SIDT1: variants seen among roughly 807,000 people sequenced by gnomAD.
SIDT1 encodes the protein SID1 transmembrane family member 1, also known as SID1 transmembrane family, member 1.
A neutral mutation model predicts 107.5 loss-of-function variants in SIDT1; 101 were observed. The observed-to-expected ratio is 0.94, with a 90% CI of 0.80 to 1.11. The LOEUF is 1.11. Ranked by LOEUF, SIDT1 falls within the 50% of genes least tolerant of loss-of-function variation. SIDT1 has a pLI of 0.00. For synonymous variants in SIDT1, 395 were observed against 398.2 expected (o/e 0.99, Z 0.10); for missense variants, 1,076 against 1,058.2 (o/e 1.02, Z -0.23).
At chr3:113,560,553 G>A (rs1044013286) in intron 1 of SIDT1, among the ~76,000 whole-genome samples, 1 of 152,038 alleles carries the variant, frequency 6.6e-6, no homozygotes, top group African/African-American at 2.4e-5. Flanking sequence ...TACACCCAGC[G>A]AACACAACCA....
rs1380838024 is a variant in SIDT1, at chr3:113,603,057, A to C, written c.1170A>C (p.Pro390=). ...GRQMSSSDGG[P]PGQSDTDSSV... ...AGATGTCCTCCTCCGATGGTGGGCC[A>C]CCGGGCCAGTCAGACACAGACAGCT... The change falls in exon 12 of 25, where the codon CCA becomes CCC. Residue 390 remains proline (P), a synonymous_variant. Transcript: ENST00000264852. 1 of 1,614,156 alleles carries C rather than the reference A, an allele frequency of 6.2e-7. No homozygotes were observed. The highest frequency in any genetic ancestry group is 1.7e-5 in the Admixed American group (1 of 60,012).
chr3:113,573,194 A>G (rs1361405770), intron 3 of SIDT1, among the ~76,000 whole-genome samples: 1 of 152,166 alleles, frequency 6.6e-6, no homozygotes, highest in Non-Finnish European at 1.5e-5. Context: ...AAAGGGACAT[A>G]GTAGGTCAGG....
Position 113,601,408 on chromosome 3 carries a change from C to T in SIDT1, c.1046-180C>T, listed in dbSNP as rs1944949024. Reference sequence around the variant, plus strand: ...AACTAATCTTAGTTGAAGAGCCATACAGAAACAGGTGGCAGGCTAGATTTG... The same window carrying T: ...AACTAATCTTAGTTGAAGAGCCATATAGAAACAGGTGGCAGGCTAGATTTG... On this transcript the variant is annotated intron_variant, in intron 10 of 24. Transcript: ENST00000264852. 6 of 499,820 alleles carry T rather than the reference C, an allele frequency of 1.2e-5. No individual in the cohort carries two copies. In the East Asian group the frequency reaches 2.0e-4, roughly 16 times the overall value. 31.0% of individuals were successfully genotyped at this position (499,820 alleles called of 1,614,324 possible).
intron 3 of SIDT1, among the ~76,000 whole-genome samples, chr3:113,569,827 T>C (rs1942273414): frequency 6.6e-6 from 1 of 152,198 alleles, no homozygotes; most frequent in South Asian, 2.1e-4. Flanking sequence ...GTGTTTAAAG[T>C]TCCCCAGGTG....
chr3:113,598,943 C>G (rs1461347164), intron 10 of SIDT1, among the ~76,000 whole-genome samples: 1 of 152,068 alleles, frequency 6.6e-6, no homozygotes, highest in East Asian at 1.9e-4. Flanking sequence ...CCTCGTCAAC[C>G]TAGGGAGATT....
In SIDT1 at chr3:113,603,110, T is replaced by C; in HGVS notation, c.1223T>C (p.Met408Thr). The C allele has an allele frequency of 6.2e-7, 1 of 1,614,064 alleles. No homozygotes were observed. The highest frequency in any genetic ancestry group is 8.5e-7 in the Non-Finnish European group (1 of 1,179,966). ...SSVEESDFDT[M>T]PDIESDKNII... The stretch of plus-strand genomic sequence containing the variant: ...GTGGAGGAGAGCGACTTCGACACCA[T>C]GCCAGACATTGAGAGTGATAAAAAC... The change falls in exon 12 of 25, where the codon ATG (methionine) becomes ACG (threonine). Residue 408 changes from methionine to threonine, a missense_variant. Transcript: ENST00000264852.
chr3:113,611,188 C>T (rs766236508), intron 18 of SIDT1, 44 bp downstream of exon 18: 1 of 1,596,356 alleles, frequency 6.3e-7, no homozygotes, highest in South Asian at 1.1e-5. Flanking sequence ...AAAAGTGCCC[C>T]CCTAGGTCCA....
At chr3:113,623,264 C>T (rs186369731) in intron 21 of SIDT1, among the ~76,000 whole-genome samples, 163 bp from the exon 22 acceptor site, 35 of 140,214 alleles carry the variant, frequency 2.5e-4, no homozygotes, top group Admixed American at 2.3e-3. Flanking sequence ...TCTACTGTTC[C>T]ATCAGAGGTA....
intron 1 of SIDT1, among the ~76,000 whole-genome samples, chr3:113,563,518 C>A (rs1229522867): frequency 6.6e-6 from 1 of 152,136 alleles, no homozygotes; most frequent in East Asian, 1.9e-4. Context: ...AGTTTGCAGG[C>A]AATACAGGAG....
rs758105252 is a variant in SIDT1, at chr3:113,603,006, T to C, written c.1119T>C (p.Asp373=). ...TPEGSNYGTI[D]ESSSSPGRQM... ...GCAGATGAGTTGTCTCTGTTTCAGA[T>C]GAGTCAAGCTCCAGTCCTGGAAGGC... Residue 373 remains aspartate, a splice_region_variant and synonymous_variant, in exon 12 of 25, where the codon GAT becomes GAC. Transcript: ENST00000264852. 1.2e-6 allele frequency: 2 copies of C among 1,613,654 alleles called. No homozygotes were observed. Among genetic ancestry groups the C allele is most frequent in the East Asian group, 2.2e-5 (1 of 44,876 alleles).
At chr3:113,552,978 C>T (rs559710833) in intron 1 of SIDT1, among the ~76,000 whole-genome samples, 12 of 152,134 alleles carry the variant, frequency 7.9e-5, no homozygotes, top group Admixed American at 1.3e-4. Context: ...GAAGCTGGGG[C>T]GTTTGTTAGA....
intron 1 of SIDT1, among the ~76,000 whole-genome samples, chr3:113,552,631 G>A (rs1940390264): frequency 6.6e-6 from 1 of 152,108 alleles, no homozygotes; most frequent in African/African-American, 2.4e-5. Context: ...GTTTGCTTGG[G>A]GTTCTTCCCC....
At chr3:113,602,762 C>G (rs1945049729) in intron 11 of SIDT1, 2 of 360,510 alleles carry the variant, frequency 5.5e-6, no homozygotes, top group Non-Finnish European at 9.9e-6. Flanking sequence ...AGCAGATGCC[C>G]TTAGATTCTA....
rs768231280 is a variant in SIDT1, at chr3:113,623,656, C to T, written c.2230C>T (p.Leu744Phe). 1.1e-5 allele frequency: 18 copies of T among 1,614,024 alleles called. No individual in the cohort carries two copies. Among genetic ancestry groups the T allele is most frequent in the Non-Finnish European group, 1.3e-5 (15 of 1,180,004 alleles). Reference protein sequence around the residue: ...RSSEKVLPVPLFCIVATAVMW... With the variant: ...RSSEKVLPVPFFCIVATAVMW... Reference sequence around the variant, plus strand: ...CTCTGAAAAGGTCCTCCCAGTCCCGCTCTTCTGCATCGTGGCCACCGCTGT... The same window carrying T: ...CTCTGAAAAGGTCCTCCCAGTCCCGTTCTTCTGCATCGTGGCCACCGCTGT... The change falls in exon 23 of 25, where the codon CTC (leucine) becomes TTC (phenylalanine). Residue 744 changes from leucine to phenylalanine, a missense_variant. Coordinates refer to ENST00000264852, the MANE Select transcript of SIDT1 (RefSeq NM_017699.3).
At position 113,566,541 on chromosome 3, in the gene SIDT1, T is replaced by G. The variant is rs142781013; in HGVS notation, c.344T>G (p.Leu115Arg). The change falls in exon 2 of 25, where the codon CTA becomes CGA. Residue 115 changes from leucine to arginine, a missense_variant and splice_region_variant. Physicochemically the swap from Leu to Arg is moderately radical, Grantham distance 102. Transcript: ENST00000264852. ...SWQVPLLFQG[L>R]YQRSYNYQEV... ...CAGGTTCCTCTGCTCTTCCAAGGACTGTAAGTGGGTTTTCTTCCAGGCAAC... is the reference window on the plus strand; with the variant it reads ...CAGGTTCCTCTGCTCTTCCAAGGACGGTAAGTGGGTTTTCTTCCAGGCAAC... 1,649 of 1,611,952 alleles carry G rather than the reference T, an allele frequency of 1.0e-3. 1 individual carries two copies. Among genetic ancestry groups the G allele is most frequent in the Non-Finnish European group, 1.3e-3 (1,584 of 1,179,170 alleles).
At chr3:113,609,209 C>T (rs1031812175) in intron 17 of SIDT1, among the ~76,000 whole-genome samples, 7 of 151,772 alleles carry the variant, frequency 4.6e-5, no homozygotes, top group East Asian at 3.9e-4. Context: ...ACTACTGGTG[C>T]GCACCACCAC....
chr3:113,614,576 G>T (rs1372118584), intron 19 of SIDT1, among the ~76,000 whole-genome samples: 1 of 152,164 alleles, frequency 6.6e-6, no homozygotes, highest in Non-Finnish European at 1.5e-5. Context: ...CATGTCATAA[G>T]TTGCCTTTGC....
chr3:113,603,170 G>A lies in SIDT1; in HGVS notation c.1263+20G>A, dbSNP rs989702232. ...ACCAAGGTACCCACTCTGCCTCGCCGTACTCTTTGAGAGGGCAGAAAGTTT... is the reference window on the plus strand; with the variant it reads ...ACCAAGGTACCCACTCTGCCTCGCCATACTCTTTGAGAGGGCAGAAAGTTT... On this transcript the variant is annotated intron_variant, in intron 12 of 24. Transcript: ENST00000264852. 13 of 1,604,500 alleles carry A rather than the reference G, an allele frequency of 8.1e-6. No individual in the cohort carries two copies. The African/African-American group carries it at 1.1e-4, about 13-fold the overall frequency.
rs773358141 is a variant in SIDT1, at chr3:113,601,575, C to CT, written c.1046-6dup. The CT allele has an allele frequency of 1.9e-6, 3 of 1,610,762 alleles. No homozygotes were observed. The highest frequency in any genetic ancestry group is 2.7e-5 in the African/African-American group (2 of 74,860). On this transcript the variant is annotated splice_polypyrimidine_tract_variant and intron_variant, in intron 10 of 24. Transcript: ENST00000264852. ...TGGACATAAAGTGTTTGCCTCTTCACTTTTTTTAACAGGCTCTGGAAATAT... is the reference window on the plus strand; with the variant it reads ...TGGACATAAAGTGTTTGCCTCTTCACTTTTTTTTAACAGGCTCTGGAAATAT...
Sources: allele counts gnomAD v4.1 joint callset (sites outside exome capture counted in the v4.1 genomes callset), GRCh38; gene constraint gnomAD v4.1.1; transcripts MANE v1.5; gene names NCBI Gene and HGNC (gene_info 2026-07-23, HGNC 2026-07-21).